FAM171A1: variants seen among roughly 807,000 people sequenced by gnomAD.
FAM171A1 encodes family with sequence similarity 171 member A1.
FAM171A1 carries 23 observed loss-of-function variants against 74.9 expected under a neutral mutation model. That is an observed-to-expected ratio of 0.31 (90% CI 0.22 to 0.44). FAM171A1 has a LOEUF of 0.44. FAM171A1 is among the 20% of genes least tolerant of loss of function. The pLI is 1.00. For synonymous variants in FAM171A1, 527 were observed against 505.7 expected, an observed-to-expected ratio of 1.04 and a Z score of -0.57; for missense variants, 1,162 against 1,159.2, an observed-to-expected ratio of 1.00 and a Z score of -0.03.
chr10:15,309,491 C>T (rs1835335424), intron 1 of FAM171A1, among the ~76,000 whole-genome samples: 1 of 152,282 alleles, frequency 6.6e-6, no homozygotes, highest in Non-Finnish European at 1.5e-5. Context: ...CAAGCGTAAG[C>T]CACTGTGCCT....
At chr10:15,332,176 G>A (rs1049119922) in intron 1 of FAM171A1, among the ~76,000 whole-genome samples, 7 of 151,780 alleles carry the variant, frequency 4.6e-5, no homozygotes, top group East Asian at 3.9e-4. Flanking sequence ...GGTTGGTCTC[G>A]AACTCCTGAA....
chr10:15,343,119 A>G (rs1294592633), intron 1 of FAM171A1, among the ~76,000 whole-genome samples: 4 of 152,224 alleles, frequency 2.6e-5, no homozygotes, highest in African/African-American at 9.6e-5. Flanking sequence ...AGTGCTTAGA[A>G]TCTTGGGTGA....
intron 1 of FAM171A1, among the ~76,000 whole-genome samples, chr10:15,358,119 G>A (rs2131886463): frequency 6.6e-6 from 1 of 152,098 alleles, no homozygotes; most frequent in South Asian, 2.1e-4. Context: ...GGGACCACAG[G>A]TGCCTGCCAC....
At chr10:15,304,051 G>C (rs1835264602) in intron 1 of FAM171A1, among the ~76,000 whole-genome samples, 1 of 152,212 alleles carries the variant, frequency 6.6e-6, no homozygotes, top group Non-Finnish European at 1.5e-5. Context: ...AAAGAGACTG[G>C]CAATGGAGAA....
At chr10:15,233,554 G>A (rs1834238102) in intron 5 of FAM171A1, among the ~76,000 whole-genome samples, 1 of 151,176 alleles carries the variant, frequency 6.6e-6, no homozygotes, top group African/African-American at 2.4e-5. Context: ...GTGTGTGTGT[G>A]TGCATGTGTG....
At chr10:15,357,219 C>G in intron 1 of FAM171A1, among the ~76,000 whole-genome samples, 1 of 151,796 alleles carries the variant, frequency 6.6e-6, no homozygotes. Context: ...GGAGGTGGAG[C>G]TTGCAGTGGG....
intron 5 of FAM171A1, among the ~76,000 whole-genome samples, chr10:15,226,209 C>T (rs1400298526): frequency 6.6e-6 from 1 of 152,220 alleles, no homozygotes; most frequent in Admixed American, 6.5e-5. Context: ...GCTGCGCCAA[C>T]CTGGTCGTGC....
chr10:15,360,098 ATTTTT>A (rs545819573), intron 1 of FAM171A1, among the ~76,000 whole-genome samples: 1 of 151,940 alleles, frequency 6.6e-6, no homozygotes, highest in African/African-American at 2.4e-5. Context: ...TGCCTGGCTA[ATTTTT>A]TTTATTATTT....
In FAM171A1 at chr10:15,370,985, G is replaced by T. The variant is rs1172812611; in HGVS notation, c.68C>A (p.Thr23Lys). The change falls in exon 1 of 8, where the codon ACG becomes AAG. Residue 23 changes from threonine to lysine, a missense_variant. By Grantham distance (78) the Thr-to-Lys change is moderately conservative. Coordinates refer to ENST00000378116, the MANE Select transcript of FAM171A1 (RefSeq NM_001010924.2). Reference sequence around the variant, plus strand: ...GGCTCCGGCGCCGGGCTCCCGCAGCGTCTTGGTCACCGCCTTCCAGACGTG... The same window carrying T: ...GGCTCCGGCGCCGGGCTCCCGCAGCTTCTTGGTCACCGCCTTCCAGACGTG... ...GCHVWKAVTKTLREPGAGAQE... is the reference protein window; with the variant it reads ...GCHVWKAVTKKLREPGAGAQE... 8.4e-7 allele frequency: 1 copy of T among 1,189,852 alleles called. No homozygotes were observed. Among genetic ancestry groups the T allele is most frequent in the Non-Finnish European group, 1.1e-6 (1 of 937,960 alleles). 73.7% of individuals were successfully genotyped at this position (1,189,852 alleles called of 1,614,324 possible). A position where few individuals can be genotyped will look rare whatever the true frequency, so the allele number is the denominator to read the frequency against.
intron 7 of FAM171A1, among the ~76,000 whole-genome samples, chr10:15,215,244 A>G (rs1332176454): frequency 6.6e-6 from 1 of 152,198 alleles, no homozygotes; most frequent in Non-Finnish European, 1.5e-5. Context: ...TTTCCTCTAT[A>G]ATGCCTTTTT....
intron 6 of FAM171A1, among the ~76,000 whole-genome samples, chr10:15,218,248 T>A (rs1014198951): frequency 2.0e-5 from 3 of 151,686 alleles, no homozygotes; most frequent in African/African-American, 7.3e-5. Flanking sequence ...CCTGGCAAAT[T>A]TTTTGTATTT....
At chr10:15,274,899 A>G (rs547502641) in intron 3 of FAM171A1, among the ~76,000 whole-genome samples, 320 of 152,332 alleles carry the variant, frequency 2.1e-3, no homozygotes, top group Non-Finnish European at 3.7e-3. Flanking sequence ...TGGCACATGT[A>G]CACCATGGAA....
rs912679436 is a variant in FAM171A1 at position 15,283,823 on chromosome 10, G to A, written c.325+55C>T. 2.4e-5 allele frequency: 38 copies of A among 1,564,698 alleles called. No homozygotes were observed. In the East Asian group the frequency reaches 3.8e-4, roughly 16 times the overall value. On this transcript the variant is annotated intron_variant, in intron 2 of 7. Coordinates refer to ENST00000378116, the MANE Select transcript of FAM171A1 (RefSeq NM_001010924.2). ...TGGTTTCAGACTCCTGGCCTTATGC[G>A]ATCCTCCCACCAGCCAATGCCCTCT...
At position 15,213,607 on chromosome 10, in the gene FAM171A1, C is replaced by T. The variant is rs753162558; in HGVS notation, c.1981G>A (p.Ala661Thr). 5 of 1,614,020 alleles carry T rather than the reference C, an allele frequency of 3.1e-6. No homozygotes were observed. Among genetic ancestry groups the T allele is most frequent in the East Asian group, 2.2e-5 (1 of 44,888 alleles). The part of the protein sequence containing the change: ...AGTREWSPQN[A>T]SMSESLSIPA... ...ATGGAGAGAGACTCCGACATGGATG[C>T]GTTCTGAGGGCTCCACTCCCGGGTG... Residue 661 changes from alanine (A) to threonine (T), a missense_variant, in exon 8 of 8, where the codon GCA becomes ACA. Coordinates refer to ENST00000378116, the MANE Select transcript of FAM171A1 (RefSeq NM_001010924.2). The surrounding 1 kb of genome is among the most constrained non-coding windows in gnomAD (Gnocchi z 6.8).
At chr10:15,286,727 A>G (rs1835039100) in intron 1 of FAM171A1, among the ~76,000 whole-genome samples, 1 of 152,224 alleles carries the variant, frequency 6.6e-6, no homozygotes, top group Non-Finnish European at 1.5e-5. Context: ...TCAATACTGC[A>G]AATTTCAGTT....
At chr10:15,220,270 C>G (rs771916795) in intron 6 of FAM171A1, among the ~76,000 whole-genome samples, 4 of 151,878 alleles carry the variant, frequency 2.6e-5, no homozygotes, top group Non-Finnish European at 5.9e-5. Flanking sequence ...GAAGGCAGTC[C>G]AAGTAATATA....
intron 1 of FAM171A1, among the ~76,000 whole-genome samples, chr10:15,349,787 T>A (rs139069732): frequency 8.1e-4 from 124 of 152,270 alleles, no homozygotes; most frequent in African/African-American, 3.0e-3. Flanking sequence ...CCCTTTTGGT[T>A]GCTGTGATGT....
At chr10:15,279,172 AGT>A (rs1203894612) in intron 2 of FAM171A1, among the ~76,000 whole-genome samples, 2 of 152,200 alleles carry the variant, frequency 1.3e-5, no homozygotes, top group African/African-American at 2.4e-5. Context: ...TGACCATCGC[AGT>A]GTGTTTTGAA....
intron 1 of FAM171A1, among the ~76,000 whole-genome samples, chr10:15,363,535 T>C (rs1442702290): frequency 3.3e-5 from 5 of 152,170 alleles, no homozygotes; most frequent in Non-Finnish European, 7.3e-5. Context: ...CCTTCCTCCA[T>C]TATTTATCTA....
Sources: allele counts gnomAD v4.1 joint callset (sites outside exome capture counted in the v4.1 genomes callset), GRCh38; gene constraint gnomAD v4.1.1; non-coding constraint Gnocchi (gnomAD v3.1); transcripts MANE v1.5; gene names NCBI Gene and HGNC (gene_info 2026-07-23, HGNC 2026-07-21).